Variants in GALR2 observed in about 807,000 individuals in gnomAD.
The protein encoded by GALR2 is galanin receptor type 2.
A neutral mutation model predicts 7.2 loss-of-function variants in GALR2; 5 were observed. The observed-to-expected ratio is 0.69, with a 90% CI of 0.36 to 1.45. The LOEUF (loss-of-function observed/expected upper bound fraction) is 1.45, where lower values mean the gene tolerates loss of function less well. Among genes scored for constraint, GALR2 ranks in the 40% most tolerant of loss-of-function variants. The pLI is 0.03. For synonymous variants in GALR2, 300 were observed against 263.9 expected, an observed-to-expected ratio of 1.14 and a Z score of -1.32; for missense variants, 561 against 555.7, an observed-to-expected ratio of 1.01 and a Z score of -0.10.
rs569895534 is a variant in GALR2 at position 76,077,145 on chromosome 17, C to T, written c.878C>T (p.Ala293Val). ...TCCTGCGTCAACCCCATCGTTTACG[C>T]GCTGGTCTCCAAGCACTTCCGCAAA... ...ANSCVNPIVY[A>V]LVSKHFRKGF... is the part of the protein sequence containing the mutation. The change falls in exon 2 of 2, where the codon GCG becomes GTG. Residue 293 changes from alanine (A) to valine (V), a missense_variant. Transcript: ENST00000329003. The T allele has an allele frequency of 6.2e-6, 10 of 1,612,724 alleles. No homozygotes were observed. The East Asian group carries it at 1.3e-4, about 22-fold the overall frequency.
chr17:76,077,208 C>A lies in GALR2; in HGVS notation c.941C>A (p.Ala314Asp). The A allele has an allele frequency of 1.2e-6, 2 of 1,608,540 alleles. No homozygotes were observed. Among genetic ancestry groups the A allele is most frequent in the Non-Finnish European group, 1.7e-6 (2 of 1,178,302 alleles). Reference protein sequence around the residue: ...RTICAGLLGRAPGRASGRVCA... With the variant: ...RTICAGLLGRDPGRASGRVCA... ...ATCTGCGCGGGCCTGCTGGGCCGTG[C>A]CCCAGGCCGAGCCTCGGGCCGTGTG... The change falls in exon 2 of 2, where the codon GCC (alanine) becomes GAC (aspartate). Residue 314 changes from alanine (A) to aspartate (D), a missense_variant. Coordinates refer to ENST00000329003, the MANE Select transcript of GALR2 (RefSeq NM_003857.4).
At chr17:76,072,660 T>G, upstream of GALR2, 1 of 1,329,804 alleles carries the variant, frequency 7.5e-7, no homozygotes, top group Non-Finnish European at 9.8e-7. The surrounding 1 kb of genome is among the most constrained non-coding windows in gnomAD (Gnocchi z 4.5). Flanking sequence ...CGAGGGATCC[T>G]GTCATCCCGG....
At chr17:76,073,297 AT>A (rs1200967640), upstream of GALR2, among the ~76,000 whole-genome samples, 712 of 129,646 alleles carry the variant, frequency 5.5e-3, 2 homozygotes, top group East Asian at 0.018. Context: ...TAAATGACGG[AT>A]TTTTTTTTTT....
upstream of GALR2, among the ~76,000 whole-genome samples, chr17:76,073,630 A>G (rs913562942): frequency 7.0e-6 from 1 of 141,960 alleles, no homozygotes; most frequent in African/African-American, 2.6e-5. Flanking sequence ...GGTATACGGA[A>G]TAAGGTCAGG....
chr17:76,076,817 C>A lies in GALR2; in HGVS notation c.550C>A (p.Arg184Ser). Residue 184 changes from arginine (R) to serine (S), a missense_variant, in exon 2 of 2, where the codon CGC becomes AGC. Physicochemically the swap from Arg to Ser is moderately radical, Grantham distance 110. Coordinates refer to ENST00000329003, the MANE Select transcript of GALR2 (RefSeq NM_003857.4). This position sits in a 1 kb window ranked among gnomAD's most constrained non-coding sequence, Gnocchi z 6.5. ...CCATCCCGCGTGGAGCGCCCCTCGC[C>A]GCCGCGCCATGGACATCTGCACCTT... ...VCHPAWSAPR[R>S]RAMDICTFVF... The A allele has an allele frequency of 1.2e-6, 2 of 1,605,624 alleles. No homozygotes were observed. Among genetic ancestry groups the A allele is most frequent in the East Asian group, 4.5e-5 (2 of 44,860 alleles).
Position 76,075,476 on chromosome 17 carries a change from C to G in GALR2, c.368+225C>G, listed in dbSNP as rs1206196599. Among the ~76,000 whole-genome samples the G allele has an allele frequency of 1.3e-5, 2 of 152,260 alleles. No individual in the cohort carries two copies. Among genetic ancestry groups the G allele is most frequent in the African/African-American group, 4.8e-5 (2 of 41,476 alleles). On this transcript the variant is annotated intron_variant, in intron 1 of 1. Transcript: ENST00000329003. This position sits in a 1 kb window ranked among gnomAD's most constrained non-coding sequence, Gnocchi z 5.9. ...GCCTGGAAGCCTGGAGAATGTGGCT[C>G]TCCAGCGCCGCCCGTGCCTGACAAC...
At chr17:76,072,424 C>A, upstream of GALR2, 1 of 1,585,326 alleles carries the variant, frequency 6.3e-7, no homozygotes, top group Non-Finnish European at 8.6e-7. The surrounding 1 kb of genome is among the most constrained non-coding windows in gnomAD (Gnocchi z 4.5). Context: ...ACCGCCGCCG[C>A]CACTGCCACC....
At chr17:76,074,780 C>T (rs2066879321), upstream of GALR2, 1 of 1,256,354 alleles carries the variant, frequency 8.0e-7, no homozygotes, top group East Asian at 2.7e-5. The surrounding 1 kb of genome is among the most constrained non-coding windows in gnomAD (Gnocchi z 6.7). Context: ...TTCAGCCCGG[C>T]AGAGTCGCAC....
At chr17:76,074,691 G>T (rs1404326702), upstream of GALR2, 1 of 590,158 alleles carries the variant, frequency 1.7e-6, no homozygotes, top group Non-Finnish European at 2.9e-6. This position sits in a 1 kb window ranked among gnomAD's most constrained non-coding sequence, Gnocchi z 6.7. Context: ...GGACAACCTC[G>T]CCCTCCTGTC....
upstream of GALR2, chr17:76,072,157 G>T: frequency 8.1e-7 from 1 of 1,236,398 alleles, no homozygotes; most frequent in Non-Finnish European, 1.1e-6. The surrounding 1 kb of genome is among the most constrained non-coding windows in gnomAD (Gnocchi z 4.5). Context: ...GACCCCCCCC[G>T]GAATTCTGAG....
In GALR2 at chr17:76,077,123, T is replaced by G. The variant is rs2066894279; in HGVS notation, c.856T>G (p.Cys286Gly). ...GCACCTGGTCTCCTACGCCAACTCC[T>G]GCGTCAACCCCATCGTTTACGCGCT... is the stretch of plus-strand genomic sequence containing the variant. ...LSHLVSYANS[C>G]VNPIVYALVS... Residue 286 changes from cysteine (C) to glycine (G), a missense_variant, in exon 2 of 2, where the codon TGC becomes GGC. Physicochemically the swap from Cys to Gly is radical, Grantham distance 159. Transcript: ENST00000329003. The G allele has an allele frequency of 6.2e-7, 1 of 1,612,870 alleles. No homozygotes were observed. Among genetic ancestry groups the G allele is most frequent in the South Asian group, 1.1e-5 (1 of 91,082 alleles).
upstream of GALR2, among the ~76,000 whole-genome samples, chr17:76,074,299 G>C (rs535203724): frequency 6.6e-6 from 1 of 152,362 alleles, no homozygotes; most frequent in African/African-American, 2.4e-5. This position sits in a 1 kb window ranked among gnomAD's most constrained non-coding sequence, Gnocchi z 6.7. Context: ...CTGGGCGAAA[G>C]AGCCAGACTC....
At position 76,074,964 on chromosome 17, in the gene GALR2, C is replaced by T. The variant is rs370066898; in HGVS notation, c.81C>T (p.Ile27=). The stretch of plus-strand genomic sequence containing the variant: ...GAGGCTGGCACCCCGAGGCGGTCAT[C>T]GTGCCCCTGCTCTTCGCGCTCATCT... The part of the protein sequence containing the change: ...GGGGWHPEAV[I]VPLLFALIFL... The change falls in exon 1 of 2, where the codon ATC becomes ATT. Residue 27 remains isoleucine, a synonymous_variant. Transcript: ENST00000329003. The surrounding 1 kb of genome is among the most constrained non-coding windows in gnomAD (Gnocchi z 6.7). 1.9e-6 allele frequency: 3 copies of T among 1,592,180 alleles called. No homozygotes were observed. Among genetic ancestry groups the T allele is most frequent in the East Asian group, 2.3e-5 (1 of 44,198 alleles).
Position 76,075,224 on chromosome 17 carries a change from T to A in GALR2, c.341T>A (p.Phe114Tyr). 1 of 1,606,038 alleles carries A rather than the reference T, an allele frequency of 6.2e-7. No homozygotes were observed. The change falls in exon 1 of 2, where the codon TTC becomes TAC. Residue 114 changes from phenylalanine to tyrosine, a missense_variant. Physicochemically the swap from Phe to Tyr is conservative, Grantham distance 22. Transcript: ENST00000329003. The surrounding 1 kb of genome is among the most constrained non-coding windows in gnomAD (Gnocchi z 5.9). ...TTCCTCACCATGCACGCCAGCAGCT[T>A]CACGCTGGCCGCCGTCTCCCTGGAC... Reference protein sequence around the residue: ...LIFLTMHASSFTLAAVSLDRY... With the variant: ...LIFLTMHASSYTLAAVSLDRY...
chr17:76,074,830 C>A lies in GALR2; in HGVS notation c.-54C>A, dbSNP rs983095713. 1 of 1,438,574 alleles carries A rather than the reference C, an allele frequency of 7.0e-7. No homozygotes were observed. The highest frequency in any genetic ancestry group is 1.5e-5 in the South Asian group (1 of 68,008). 89.1% of individuals were successfully genotyped at this position (1,438,574 alleles called of 1,614,324 possible). ...GCCGCAGCCCCGGGAGCTTCCCGCT[C>A]GCGGAGACCCAGACGGCTGCAGGAG... On this transcript the variant is annotated 5_prime_UTR_variant, in exon 1 of 2. Transcript: ENST00000329003. The surrounding 1 kb of genome is among the most constrained non-coding windows in gnomAD (Gnocchi z 6.7).
upstream of GALR2, chr17:76,072,168 C>A (rs961578878): frequency 4.1e-6 from 6 of 1,456,024 alleles, no homozygotes; most frequent in African/African-American, 1.5e-5. This position sits in a 1 kb window ranked among gnomAD's most constrained non-coding sequence, Gnocchi z 4.5. Context: ...GAATTCTGAG[C>A]ACCAAAAGGT....
upstream of GALR2, chr17:76,072,525 G>A: frequency 6.4e-7 from 1 of 1,562,990 alleles, no homozygotes; most frequent in Non-Finnish European, 8.6e-7. The surrounding 1 kb of genome is among the most constrained non-coding windows in gnomAD (Gnocchi z 4.5). Flanking sequence ...GACGGGATAG[G>A]GGAGGCGGGA....
At chr17:76,074,452 G>A (rs1396373228), upstream of GALR2, among the ~76,000 whole-genome samples, 1 of 152,236 alleles carries the variant, frequency 6.6e-6, no homozygotes, top group Non-Finnish European at 1.5e-5. This position sits in a 1 kb window ranked among gnomAD's most constrained non-coding sequence, Gnocchi z 6.7. Context: ...GGCGCGCGGA[G>A]TGCGAGGTCC....
rs759763601 is a variant in GALR2, at chr17:76,077,028, C to T, written c.761C>T (p.Ala254Val). The T allele has an allele frequency of 1.2e-6, 2 of 1,612,568 alleles. No homozygotes were observed. Among genetic ancestry groups the T allele is most frequent in the Non-Finnish European group, 1.7e-6 (2 of 1,179,900 alleles). The change falls in exon 2 of 2, where the codon GCG (alanine) becomes GTG (valine). Residue 254 changes from alanine to valine, a missense_variant. By Grantham distance (64) the Ala-to-Val change is moderately conservative (BLOSUM62 0). Transcript: ENST00000329003. ...LFCLCWMPHH[A>V]LILCVWFGQF... ...TGCCTCTGCTGGATGCCCCACCACG[C>T]GCTCATCCTCTGCGTGTGGTTCGGC...
Sources: allele counts gnomAD v4.1 joint callset (sites outside exome capture counted in the v4.1 genomes callset), GRCh38; gene constraint gnomAD v4.1.1; non-coding constraint Gnocchi (gnomAD v3.1); transcripts MANE v1.5; gene names NCBI Gene and HGNC (gene_info 2026-07-23, HGNC 2026-07-21).